The following OSBPL2 variants were observed in gnomAD, a reference collection of about 807,000 sequenced individuals.
OSBPL2 encodes the protein oxysterol binding protein like 2.
A neutral mutation model predicts 58.4 loss-of-function variants in OSBPL2; 18 were observed. That is an observed-to-expected ratio of 0.31 (90% CI 0.21 to 0.46). The LOEUF (loss-of-function observed/expected upper bound fraction) is 0.46, where lower values mean the gene tolerates loss of function less well. Among genes scored for constraint, OSBPL2 ranks in the 20% least tolerant of loss-of-function variants. The pLI is 1.00. For missense variants in OSBPL2, 461 were observed against 616.5 expected (o/e 0.75, Z 2.67); for synonymous variants, 221 against 234.1 (o/e 0.94, Z 0.51).
intron 1 of OSBPL2, among the ~76,000 whole-genome samples, chr20:62,246,993 G>A (rs1415579086): frequency 6.6e-6 from 1 of 152,228 alleles, no homozygotes; most frequent in Non-Finnish European, 1.5e-5. Flanking sequence ...AAGCATTTGA[G>A]TGGCCAGGTT....
intron 1 of OSBPL2, among the ~76,000 whole-genome samples, chr20:62,240,011 C>T (rs533651797): frequency 6.6e-6 from 1 of 152,254 alleles, no homozygotes; most frequent in East Asian, 1.9e-4. Flanking sequence ...GGCCACCACG[C>T]CCGCCTAATT....
intron 4 of OSBPL2, among the ~76,000 whole-genome samples, chr20:62,266,630 A>C (rs986235971): frequency 6.6e-6 from 1 of 152,034 alleles, no homozygotes; most frequent in Non-Finnish European, 1.5e-5. Flanking sequence ...CTGGATCTGC[A>C]GTGACGGGCT....
intron 1 of OSBPL2, among the ~76,000 whole-genome samples, chr20:62,240,748 T>C (rs1459380622): frequency 1.3e-5 from 2 of 152,266 alleles, no homozygotes; most frequent in Non-Finnish European, 2.9e-5. Flanking sequence ...ATAGACTTTC[T>C]TTTTTGTGAG....
At chr20:62,248,681 T>TTTATTTATTTAC (rs1482892804) in intron 1 of OSBPL2, among the ~76,000 whole-genome samples, 1 of 151,234 alleles carries the variant, frequency 6.6e-6, no homozygotes, top group Non-Finnish European at 1.5e-5. Flanking sequence ...GCTTTATTTA[T>TTTATTTATTTAC]TTATTTATTT....
In OSBPL2 at chr20:62,243,147, G is replaced by C. The variant is rs183393684; in HGVS notation, c.-129+4550G>C. Among the ~76,000 whole-genome samples, 264 of 152,342 alleles carry C rather than the reference G, an allele frequency of 1.7e-3. 3 individuals carry two copies. The highest frequency in any genetic ancestry group is 7.7e-3 in the Admixed American group (117 of 15,294). On this transcript the variant is annotated intron_variant, in intron 1 of 13. Coordinates refer to ENST00000313733, the MANE Select transcript of OSBPL2 (RefSeq NM_144498.4). Reference sequence around the variant, plus strand: ...TCGGTGACTCCGATAATGACGGCAGGTGTCAGGTGCGCACAGGGCGTGGGG... The same window carrying C: ...TCGGTGACTCCGATAATGACGGCAGCTGTCAGGTGCGCACAGGGCGTGGGG...
intron 11 of OSBPL2, among the ~76,000 whole-genome samples, chr20:62,286,956 G>A (rs1983172229): frequency 6.6e-6 from 1 of 152,246 alleles, no homozygotes; most frequent in South Asian, 2.1e-4. Flanking sequence ...CTGCTCCATA[G>A]GACATGCAGG....
chr20:62,292,137 C>T (rs1438495557), intron 13 of OSBPL2, among the ~76,000 whole-genome samples: 1 of 152,230 alleles, frequency 6.6e-6, no homozygotes, highest in Admixed American at 6.5e-5. Flanking sequence ...TACTGCCGGG[C>T]CTCATGGTGT....
At chr20:62,289,458 A>C (rs1435395583) in intron 12 of OSBPL2, 128 bp downstream of exon 12, 3 of 1,121,298 alleles carry the variant, frequency 2.7e-6, no homozygotes, top group Non-Finnish European at 2.5e-6. Flanking sequence ...CCTCTCCCTA[A>C]ACAAACAGGC....
chr20:62,266,727 A>G (rs965041015), intron 4 of OSBPL2, among the ~76,000 whole-genome samples: 1 of 152,206 alleles, frequency 6.6e-6, no homozygotes, highest in Admixed American at 6.5e-5. Context: ...GTTTGTAAAT[A>G]TTTCTTATGT....
intron 10 of OSBPL2, 103 bp downstream of exon 10, chr20:62,284,272 G>T: frequency 7.2e-7 from 1 of 1,396,634 alleles, no homozygotes; most frequent in Non-Finnish European, 1.0e-6. Flanking sequence ...GGGAACCTTT[G>T]GGCCCCACCA....
In OSBPL2 at chr20:62,273,261, C is replaced by A. The variant is rs781365998; in HGVS notation, c.394-48C>A. On this transcript the variant is annotated intron_variant, in intron 5 of 13. Coordinates refer to ENST00000313733, the MANE Select transcript of OSBPL2 (RefSeq NM_144498.4). Reference sequence around the variant, plus strand: ...CCACAAGAGGCCATCTTCTCCAGCGCGTTTCCTAACTGAAGCTGTGCCTGT... The same window carrying A: ...CCACAAGAGGCCATCTTCTCCAGCGAGTTTCCTAACTGAAGCTGTGCCTGT... The A allele has an allele frequency of 4.8e-6, 7 of 1,463,302 alleles. No individual in the cohort carries two copies. In the Admixed American group the frequency reaches 5.5e-5, roughly 12 times the overall value. The allele number at this position is 1,463,302 out of a possible 1,614,324, so 90.6% of individuals were successfully genotyped here. A position where few individuals can be genotyped will look rare whatever the true frequency, so the allele number is the denominator to read the frequency against.
intron 6 of OSBPL2, among the ~76,000 whole-genome samples, chr20:62,275,280 A>G (rs1244702261): frequency 1.3e-5 from 2 of 152,332 alleles, no homozygotes; most frequent in East Asian, 3.9e-4. Context: ...TTTAATTTGT[A>G]TCCCTTTTTA....
intron 3 of OSBPL2, among the ~76,000 whole-genome samples, chr20:62,261,829 G>A (rs1981331985): frequency 6.6e-6 from 1 of 152,160 alleles, no homozygotes; most frequent in Non-Finnish European, 1.5e-5. Context: ...TCAGTGGCGT[G>A]ACCTCGGAAA....
At chr20:62,276,667 A>G (rs925533846) in intron 6 of OSBPL2, among the ~76,000 whole-genome samples, 1 of 152,238 alleles carries the variant, frequency 6.6e-6, no homozygotes, top group Non-Finnish European at 1.5e-5. Context: ...AGCAGGGTCC[A>G]GCAGGCAACT....
chr20:62,242,497 G>A (rs904317658), intron 1 of OSBPL2: 10 of 152,230 alleles, frequency 6.6e-5, no homozygotes, highest in African/African-American at 2.4e-4. Flanking sequence ...GTTTCTCTTT[G>A]CTTGCCTTCT....
At position 62,273,371 on chromosome 20, in the gene OSBPL2, T is replaced by C; in HGVS notation, c.456T>C (p.Phe152=). ...ASQWERTGKP[F]NPLLGETYEL... is the part of the protein sequence containing the mutation. ...AGTGGGAGAGGACCGGCAAACCATTTAATCCACTCTTGGGAGAAACGTATG... is the reference window on the plus strand; with the variant it reads ...AGTGGGAGAGGACCGGCAAACCATTCAATCCACTCTTGGGAGAAACGTATG... The change falls in exon 6 of 14, where the codon TTT becomes TTC. Residue 152 remains phenylalanine, a synonymous_variant. Transcript: ENST00000313733. 6.2e-7 allele frequency: 1 copy of C among 1,604,974 alleles called. No individual in the cohort carries two copies. Among genetic ancestry groups the C allele is most frequent in the Non-Finnish European group, 8.5e-7 (1 of 1,177,456 alleles).
At chr20:62,283,083 G>A (rs892680191) in intron 9 of OSBPL2, among the ~76,000 whole-genome samples, 25 of 152,216 alleles carry the variant, frequency 1.6e-4, no homozygotes, top group African/African-American at 6.0e-4. Context: ...CCAGAAATAG[G>A]CGGGGGCGCC....
intron 1 of OSBPL2, among the ~76,000 whole-genome samples, chr20:62,243,310 G>GT (rs1169257828): frequency 1.3e-5 from 2 of 152,230 alleles, no homozygotes; most frequent in Admixed American, 6.5e-5. Flanking sequence ...CGTCTTCCAA[G>GT]TAAGTCTCAC....
intron 11 of OSBPL2, among the ~76,000 whole-genome samples, chr20:62,287,602 G>A (rs1397605791): frequency 1.3e-5 from 2 of 152,120 alleles, no homozygotes; most frequent in Non-Finnish European, 2.9e-5. Flanking sequence ...GACCACAGGC[G>A]TGTGCCACCA....
Sources: gnomAD v4.1 joint callset for allele counts (sites outside exome capture counted in the v4.1 genomes callset) on GRCh38, gnomAD v4.1.1 for gene constraint, MANE v1.5 for transcripts, NCBI Gene and HGNC (gene_info 2026-07-23, HGNC 2026-07-21) for gene names.